GLT8D2: variants seen among roughly 807,000 people sequenced by gnomAD.
GLT8D2 encodes the protein glycosyltransferase 8 domain containing 2.
Under a neutral mutation model 44.5 loss-of-function variants are expected in GLT8D2, and 45 were observed. The ratio of observed to expected loss-of-function variants is 1.01; its 90% CI spans 0.80 to 1.30. GLT8D2 has a LOEUF of 1.30. Among genes scored for constraint, GLT8D2 ranks in the 50% most tolerant of loss-of-function variants. The pLI, the probability that GLT8D2 is intolerant of heterozygous loss-of-function variation, is 0.00. For synonymous variants in GLT8D2, 156 were observed against 157.2 expected, an observed-to-expected ratio of 0.99 and a Z score of 0.06; for missense variants, 400 against 430.4, an observed-to-expected ratio of 0.93 and a Z score of 0.62.
At chr12:104,062,279 G>T (rs756636817) in intron 1 of GLT8D2, among the ~76,000 whole-genome samples, 1 of 151,930 alleles carries the variant, frequency 6.6e-6, no homozygotes, top group Non-Finnish European at 1.5e-5. Context: ...CACCATGTTG[G>T]CCAGGCTGGT....
At position 104,016,715 on chromosome 12, in the gene GLT8D2, GAA is replaced by G. The variant is rs370216314; in HGVS notation, c.20-1612_20-1611del. Reference sequence around the variant, plus strand: ...AGAAAGAAAGAAAGGGAGAGAGAAAGAAAGAAAGAAAGAAAGAAAGAAAGAAA... The same window carrying G: ...AGAAAGAAAGAAAGGGAGAGAGAAAGAGAAAGAAAGAAAGAAAGAAAGAAA... On this transcript the variant is annotated intron_variant, in intron 3 of 10. Coordinates refer to ENST00000360814, the MANE Select transcript of GLT8D2 (RefSeq NM_001384711.1). Among the ~76,000 whole-genome samples, 132 of 35,774 alleles carry G rather than the reference GAA, an allele frequency of 3.7e-3. 2 individuals are homozygous for G. The highest frequency in any genetic ancestry group is 0.011 in the South Asian group (10 of 948). The allele number at this position is 35,774 out of a possible 152,430, so 23.5% of individuals were successfully genotyped here.
At chr12:104,055,922 T>C (rs894428000) in intron 1 of GLT8D2, among the ~76,000 whole-genome samples, 1 of 152,192 alleles carries the variant, frequency 6.6e-6, no homozygotes, top group African/African-American at 2.4e-5. Context: ...CAATTCCCTC[T>C]CTTTTGCCTG....
intron 7 of GLT8D2, among the ~76,000 whole-genome samples, 177 bp from the exon 8 acceptor site, chr12:103,997,024 T>C (rs1873517149): frequency 6.6e-6 from 1 of 152,248 alleles, no homozygotes; most frequent in South Asian, 2.1e-4. Flanking sequence ...AGAAAGCCAC[T>C]GGATGATGAG....
intron 2 of GLT8D2, among the ~76,000 whole-genome samples, chr12:104,020,737 A>G (rs1220501654): frequency 6.6e-6 from 1 of 152,198 alleles, no homozygotes; most frequent in African/African-American, 2.4e-5. Context: ...AGAGCCAGTC[A>G]AGGGCAGAAC....
At chr12:103,990,067 G>T (rs1872527481) in intron 10 of GLT8D2, among the ~76,000 whole-genome samples, 1 of 137,370 alleles carries the variant, frequency 7.3e-6, no homozygotes, top group African/African-American at 2.7e-5. Context: ...TATGTCTAGT[G>T]TATGTGTACA....
chr12:103,996,223 A>T (rs1391804425), intron 8 of GLT8D2, among the ~76,000 whole-genome samples: 1 of 152,226 alleles, frequency 6.6e-6, no homozygotes, highest in Non-Finnish European at 1.5e-5. Context: ...CCTCAGTTCC[A>T]TCAGGGTAAG....
chr12:104,061,976 T>G (rs1227030998), intron 1 of GLT8D2, among the ~76,000 whole-genome samples: 1 of 83,416 alleles, frequency 1.2e-5, no homozygotes, highest in Non-Finnish European at 2.4e-5. Flanking sequence ...AAACTCCATC[T>G]CAAAAAAAAA....
intron 1 of GLT8D2, among the ~76,000 whole-genome samples, chr12:104,029,316 A>C (rs1424004922): frequency 6.6e-6 from 1 of 152,158 alleles, no homozygotes; most frequent in Non-Finnish European, 1.5e-5. Context: ...CCTTGACTGC[A>C]TCCTGAACCA....
At chr12:104,023,950 G>C (rs920987524) in intron 1 of GLT8D2, among the ~76,000 whole-genome samples, 2 of 152,156 alleles carry the variant, frequency 1.3e-5, no homozygotes, top group Non-Finnish European at 2.9e-5. Flanking sequence ...GGACATTTGG[G>C]TTGTTTCCAT....
At chr12:103,997,843 T>G (rs1169030565) in intron 6 of GLT8D2, among the ~76,000 whole-genome samples, 1 of 151,994 alleles carries the variant, frequency 6.6e-6, no homozygotes, top group Non-Finnish European at 1.5e-5. Context: ...TTAGTCACTT[T>G]TAGGGCACAA....
chr12:104,018,833 TTG>T (rs1172890123), intron 3 of GLT8D2, among the ~76,000 whole-genome samples: 1 of 152,082 alleles, frequency 6.6e-6, no homozygotes, highest in Non-Finnish European at 1.5e-5. Flanking sequence ...TTCTGAGTCT[TTG>T]TTTGCTGAAT....
upstream of GLT8D2, among the ~76,000 whole-genome samples, chr12:104,051,836 A>T (rs930177086): frequency 6.6e-6 from 1 of 152,136 alleles, no homozygotes; most frequent in African/African-American, 2.4e-5. Context: ...AAGCAGAAAC[A>T]CTTCACATAT....
intron 1 of GLT8D2, among the ~76,000 whole-genome samples, chr12:104,042,542 G>T (rs1446569090): frequency 1.3e-5 from 2 of 152,228 alleles, no homozygotes; most frequent in African/African-American, 4.8e-5. Context: ...AAGTCCTGGG[G>T]ATAAGCTGAT....
rs559992448 is a variant in GLT8D2, at chr12:104,021,165, T to C, written c.-29+192A>G. Among the ~76,000 whole-genome samples the C allele has an allele frequency of 2.6e-5, 4 of 152,346 alleles. No individual in the cohort carries two copies. In the South Asian group the frequency reaches 6.2e-4, roughly 24 times the overall value. On this transcript the variant is annotated intron_variant, in intron 2 of 10. Transcript: ENST00000360814. ...GGAAAGGAATCACTCCTTTAACTGC[T>C]GGCAGAGTTCCCCCCTCAGGGAGAA...
chr12:104,027,947 C>G (rs1878781920), intron 1 of GLT8D2, among the ~76,000 whole-genome samples: 1 of 152,176 alleles, frequency 6.6e-6, no homozygotes, highest in Admixed American at 6.5e-5. Context: ...AGCTTTACAG[C>G]TCACAGGCAA....
At chr12:104,022,656 TCTGA>T (rs1233677252) in intron 1 of GLT8D2, among the ~76,000 whole-genome samples, 2 of 152,150 alleles carry the variant, frequency 1.3e-5, no homozygotes, top group Non-Finnish European at 2.9e-5. Flanking sequence ...ACACGAGTGT[TCTGA>T]CTAATAAATA....
At chr12:103,998,555 G>T (rs1478837230) in intron 6 of GLT8D2, among the ~76,000 whole-genome samples, 2 of 152,064 alleles carry the variant, frequency 1.3e-5, no homozygotes, top group African/African-American at 4.8e-5. Flanking sequence ...GGCTACAGGT[G>T]CCTGCCACCA....
upstream of GLT8D2, among the ~76,000 whole-genome samples, chr12:104,055,053 T>C (rs536815919): frequency 2.6e-4 from 40 of 152,322 alleles, no homozygotes; most frequent in African/African-American, 9.4e-4. Flanking sequence ...CAGGGAGTTA[T>C]TACCACCCCA....
rs2629746 is a variant in GLT8D2 at position 104,012,064 on chromosome 12, G to A, written c.112+2949C>T. The stretch of plus-strand genomic sequence containing the variant: ...CGCATGCCTGTAATCCCAGCCACTC[G>A]GGAGGCTGAGGCAGGAGAATCACTT... On this transcript the variant is annotated intron_variant, in intron 4 of 10. Coordinates refer to ENST00000360814, the MANE Select transcript of GLT8D2 (RefSeq NM_001384711.1). 1.6e-4 allele frequency among the ~76,000 whole-genome samples: 24 copies of A among 151,224 alleles called. No individual in the cohort carries two copies. In the East Asian group the frequency reaches 4.1e-3, roughly 26 times the overall value.
Sources: gnomAD v4.1 joint callset for allele counts (sites outside exome capture counted in the v4.1 genomes callset) on GRCh38, gnomAD v4.1.1 for gene constraint, MANE v1.5 for transcripts, NCBI Gene and HGNC (gene_info 2026-07-23, HGNC 2026-07-21) for gene names.